CTNNBL1: variants seen among roughly 807,000 people sequenced by gnomAD.
The protein encoded by CTNNBL1 is catenin beta like 1.
A neutral mutation model predicts 72.7 loss-of-function variants in CTNNBL1; 31 were observed. The ratio of observed to expected loss-of-function variants is 0.43; its 90% CI spans 0.32 to 0.58. The LOEUF (loss-of-function observed/expected upper bound fraction) is 0.58. CTNNBL1 is among the 20% of genes least tolerant of loss of function. The probability of loss-of-function intolerance (pLI) is 0.08; values close to 1 mark genes in which losing one functional copy is unlikely to be tolerated. For missense variants in CTNNBL1, 534 were observed against 725.1 expected, an observed-to-expected ratio of 0.74 and a Z score of 3.03; for synonymous variants, 240 against 267.3, an observed-to-expected ratio of 0.90 and a Z score of 1.00.
intron 13 of CTNNBL1, among the ~76,000 whole-genome samples, chr20:37,848,054 C>T (rs937909587): frequency 6.6e-6 from 1 of 151,320 alleles, no homozygotes; most frequent in African/African-American, 2.4e-5. Context: ...CGGCTGCCAT[C>T]GATTCTTCTG....
At chr20:37,724,313 C>G (rs533435698) in intron 1 of CTNNBL1, among the ~76,000 whole-genome samples, 1 of 152,022 alleles carries the variant, frequency 6.6e-6, no homozygotes, top group South Asian at 2.1e-4. Flanking sequence ...TGTTTATTCT[C>G]GAAAAGGCAT....
At chr20:37,828,512 T>C (rs2072180238) in intron 11 of CTNNBL1, among the ~76,000 whole-genome samples, 1 of 152,224 alleles carries the variant, frequency 6.6e-6, no homozygotes, top group African/African-American at 2.4e-5. Flanking sequence ...AAATTTCTTT[T>C]GCCAACTGAG....
intron 1 of CTNNBL1, among the ~76,000 whole-genome samples, chr20:37,707,865 A>G (rs1166127083): frequency 6.6e-6 from 1 of 152,138 alleles, no homozygotes; most frequent in Non-Finnish European, 1.5e-5. Flanking sequence ...ACTTAGGGCC[A>G]TTGTAGGGTT....
chr20:37,809,306 G>T (rs866114661), intron 11 of CTNNBL1, among the ~76,000 whole-genome samples: 1 of 152,184 alleles, frequency 6.6e-6, no homozygotes, highest in South Asian at 2.1e-4. Context: ...AGACACTTCT[G>T]GTGGGAGGGA....
chr20:37,765,208 G>A lies in CTNNBL1; in HGVS notation c.576G>A (p.Gln192=). 1 of 1,551,314 alleles carries A rather than the reference G, an allele frequency of 6.4e-7. No individual in the cohort carries two copies. The highest frequency in any genetic ancestry group is 8.7e-7 in the Non-Finnish European group (1 of 1,146,660). The change falls in exon 6 of 16, where the codon CAG becomes CAA. Residue 192 remains glutamine (Q), a synonymous_variant. Coordinates refer to ENST00000361383, the MANE Select transcript of CTNNBL1 (RefSeq NM_030877.5). The part of the protein sequence containing the change: ...EVLIDALVDG[Q]VVALLVQNLE... ...CGCTATTCTTGCAGGTGGATGGGCA[G>A]GTGGTAGCACTGCTGGTACAGAATC...
At chr20:37,774,388 T>G (rs1335711866) in intron 7 of CTNNBL1, among the ~76,000 whole-genome samples, 8 of 152,132 alleles carry the variant, frequency 5.3e-5, no homozygotes, top group Admixed American at 5.2e-4. Context: ...CACCTCCTCT[T>G]GCCAAGCTGC....
chr20:37,868,691 G>C (rs931982681), intron 15 of CTNNBL1, among the ~76,000 whole-genome samples: 1 of 152,168 alleles, frequency 6.6e-6, no homozygotes, highest in African/African-American at 2.4e-5. Context: ...GCATATGTAA[G>C]CGAGGCCTCG....
intron 3 of CTNNBL1, among the ~76,000 whole-genome samples, chr20:37,741,777 G>A (rs1420536681): frequency 2.0e-5 from 3 of 152,134 alleles, no homozygotes; most frequent in Non-Finnish European, 4.4e-5. Flanking sequence ...CATTTCTCAC[G>A]GTATCTTGTT....
intron 11 of CTNNBL1, among the ~76,000 whole-genome samples, chr20:37,807,981 C>T (rs2071974262): frequency 6.6e-6 from 1 of 152,170 alleles, no homozygotes; most frequent in African/African-American, 2.4e-5. Flanking sequence ...GTCCAGTTTT[C>T]CTCGTATTGC....
At chr20:37,856,100 G>C (rs1229723629) in intron 13 of CTNNBL1, among the ~76,000 whole-genome samples, 1 of 151,812 alleles carries the variant, frequency 6.6e-6, no homozygotes, top group Admixed American at 6.6e-5. Context: ...AGCTGGGTGT[G>C]GTGGCAGGCA....
chr20:37,725,196 T>C (rs1389876136), intron 1 of CTNNBL1, among the ~76,000 whole-genome samples: 1 of 152,192 alleles, frequency 6.6e-6, no homozygotes, highest in East Asian at 1.9e-4. Flanking sequence ...CGTGTGCCAC[T>C]GCACCCGGTT....
At chr20:37,845,219 G>C (rs1275058736) in intron 13 of CTNNBL1, among the ~76,000 whole-genome samples, 1 of 152,210 alleles carries the variant, frequency 6.6e-6, no homozygotes, top group Non-Finnish European at 1.5e-5. Context: ...TTGAGGTGCA[G>C]CTTAGACTTT....
chr20:37,724,382 G>A (rs2073065667), intron 1 of CTNNBL1, among the ~76,000 whole-genome samples: 1 of 151,982 alleles, frequency 6.6e-6, no homozygotes, highest in South Asian at 2.1e-4. Context: ...TTTTTTAAAT[G>A]TGAGCGAGAC....
Position 37,785,743 on chromosome 20 carries a change from C to G in CTNNBL1, c.1031+6408C>G, listed in dbSNP as rs560959532. On this transcript the variant is annotated intron_variant, in intron 10 of 15. Transcript: ENST00000361383. ...CTGTCTTGCTGGCATTGTCACTGGT[C>G]TCTTACTTAGTTCATTTGTTGAGGT... Among the ~76,000 whole-genome samples, 4 of 152,250 alleles carry G rather than the reference C, an allele frequency of 2.6e-5. No homozygotes were observed. The South Asian group carries it at 8.3e-4, about 32-fold the overall frequency.
At chr20:37,788,591 G>T (rs1029236776) in intron 10 of CTNNBL1, among the ~76,000 whole-genome samples, 1 of 152,252 alleles carries the variant, frequency 6.6e-6, no homozygotes, top group African/African-American at 2.4e-5. Flanking sequence ...GAGTCCACTC[G>T]AGTCCTGGGC....
chr20:37,865,148 C>A (rs2072526496), intron 15 of CTNNBL1, among the ~76,000 whole-genome samples: 1 of 152,018 alleles, frequency 6.6e-6, no homozygotes, highest in African/African-American at 2.4e-5. Flanking sequence ...TAGAGAGCAC[C>A]AATTTGACAT....
chr20:37,804,072 A>G (rs149378248), intron 11 of CTNNBL1, among the ~76,000 whole-genome samples: 78 of 152,122 alleles, frequency 5.1e-4, no homozygotes, highest in Non-Finnish European at 8.8e-4. Flanking sequence ...TATCAAATCA[A>G]CTCTCCAGAG....
chr20:37,781,779 G>A (rs2073628177), intron 10 of CTNNBL1, among the ~76,000 whole-genome samples: 1 of 152,126 alleles, frequency 6.6e-6, no homozygotes, highest in Admixed American at 6.5e-5. Context: ...AACACTAGAA[G>A]TTCAGGAAAG....
At chr20:37,813,576 A>G (rs1048356469) in intron 11 of CTNNBL1, among the ~76,000 whole-genome samples, 6 of 152,168 alleles carry the variant, frequency 3.9e-5, no homozygotes, top group Admixed American at 3.3e-4. Context: ...TGTGTTTTTC[A>G]TTTTGCCAGG....
Sources: gnomAD v4.1 joint callset for allele counts (sites outside exome capture counted in the v4.1 genomes callset) on GRCh38, gnomAD v4.1.1 for gene constraint, MANE v1.5 for transcripts, NCBI Gene and HGNC (gene_info 2026-07-23, HGNC 2026-07-21) for gene names.